The following JRK variants were observed in gnomAD, a reference collection of about 807,000 sequenced individuals.
JRK encodes jerky protein homolog.
For missense variants in JRK, 720 were observed against 509.2 expected (o/e 1.41, Z -3.98); for synonymous variants, 303 against 218.1 (o/e 1.39, Z -3.43).
Position 142,663,003 on chromosome 8 carries a change from A to T in JRK, c.*1349T>A. 1.8e-6 allele frequency: 1 copy of T among 544,646 alleles called. No individual in the cohort carries two copies. The highest frequency in any genetic ancestry group is 1.8e-4 in the East Asian group (1 of 5,548). 33.7% of individuals were successfully genotyped at this position (544,646 alleles called of 1,614,324 possible). On this transcript the variant is annotated 3_prime_UTR_variant, in exon 2 of 2. Coordinates refer to ENST00000612905, the MANE Select transcript of JRK (RefSeq NM_003724.4). ...AGTGAGACCCTGTCTCTACAAAAAA[A>T]ATAAAAAGGCGCGGTGGTGCGTGCC...
intron 1 of JRK, among the ~76,000 whole-genome samples, chr8:142,666,971 G>C (rs1026249408): frequency 2.0e-5 from 3 of 152,182 alleles, no homozygotes; most frequent in African/African-American, 7.2e-5. Context: ...CCTCCCTGAG[G>C]AGCAGAGGCA....
the JRK span, among the ~76,000 whole-genome samples, chr8:142,646,260 T>G: frequency 6.6e-6 from 1 of 152,216 alleles, no homozygotes; most frequent in African/African-American, 2.4e-5. Context: ...CATCTTGCCT[T>G]GAACCTCCAA....
chr8:142,659,804 G>A lies in JRK; in HGVS notation c.*4548C>T, dbSNP rs771534079. On this transcript the variant is annotated 3_prime_UTR_variant, in exon 2 of 2. Transcript: ENST00000612905. Reference sequence around the variant, plus strand: ...AACGTGAGGCTGGTCATTAGGAGCAGGTAGCCCTGGGTCTCCCTCTGCCCT... The same window carrying A: ...AACGTGAGGCTGGTCATTAGGAGCAAGTAGCCCTGGGTCTCCCTCTGCCCT... 39 of 985,504 alleles carry A rather than the reference G, an allele frequency of 4.0e-5. No individual in the cohort carries two copies. The highest frequency in any genetic ancestry group is 4.5e-5 in the Non-Finnish European group (37 of 830,052). 61.0% of individuals were successfully genotyped at this position (985,504 alleles called of 1,614,324 possible). A position where few individuals can be genotyped will look rare whatever the true frequency, so the allele number is the denominator to read the frequency against.
chr8:142,664,633 T>C lies in JRK; in HGVS notation c.1426A>G (p.Arg476Gly), dbSNP rs2976399. The C allele has an allele frequency of 0.66, 1,066,698 of 1,610,504 alleles. 357,253 individuals carry two copies. The highest frequency in any genetic ancestry group is 0.73 in the Admixed American group (43,864 of 59,750). Residue 476 changes from arginine (R) to glycine (G), a missense_variant, in exon 2 of 2, where the codon AGA becomes GGA. By Grantham distance (125) the Arg-to-Gly change is moderately radical (BLOSUM62 -2). Transcript: ENST00000612905. Reference protein sequence around the residue: ...EKTPKADQDGRGDPGEGEEVA... With the variant: ...EKTPKADQDGGGDPGEGEEVA... ...TCCTCGCCCTCACCAGGATCTCCTCTGCCGTCCTGGTCAGCTTTCGGAGTC... is the reference window on the plus strand; with the variant it reads ...TCCTCGCCCTCACCAGGATCTCCTCCGCCGTCCTGGTCAGCTTTCGGAGTC...
At chr8:142,667,620 T>C (rs1218790480) in intron 1 of JRK, among the ~76,000 whole-genome samples, 2 of 152,334 alleles carry the variant, frequency 1.3e-5, no homozygotes, top group African/African-American at 2.4e-5. Context: ...GGAAACCTGA[T>C]AGCCCCCTGG....
chr8:142,666,680 C>T (rs914228242), intron 1 of JRK, among the ~76,000 whole-genome samples, 160 bp from the exon 2 acceptor site: 7 of 152,204 alleles, frequency 4.6e-5, no homozygotes, highest in African/African-American at 1.4e-4. Context: ...AGGGTGGCCC[C>T]GGGAGCAGCC....
the JRK span, among the ~76,000 whole-genome samples, chr8:142,647,911 T>G: frequency 6.6e-6 from 1 of 152,240 alleles, no homozygotes; most frequent in Non-Finnish European, 1.5e-5. Flanking sequence ...AAAATGCTGA[T>G]AGTAATACGG....
intron 1 of JRK, among the ~76,000 whole-genome samples, chr8:142,666,797 G>C (rs1847141475): frequency 1.3e-5 from 2 of 152,214 alleles, no homozygotes; most frequent in South Asian, 4.1e-4. Flanking sequence ...GGCTCTCATA[G>C]GAGCAGCCCG....
Position 142,666,292 on chromosome 8 carries a change from T to C in JRK, c.-234A>G, listed in dbSNP as rs1847126548. On this transcript the variant is annotated 5_prime_UTR_variant, in exon 2 of 2. Transcript: ENST00000612905. The stretch of plus-strand genomic sequence containing the variant: ...CTTCCAGGCTCCACACACCTAGGCC[T>C]TGGCTCCTGGCAGTGCAGTCAGCTG... 1.5e-6 allele frequency: 1 copy of C among 670,686 alleles called. No individual in the cohort carries two copies. The highest frequency in any genetic ancestry group is 1.8e-5 in the African/African-American group (1 of 55,014). The allele number at this position is 670,686 out of a possible 1,614,324, so 41.5% of individuals were successfully genotyped here.
At chr8:142,654,442 G>A (rs1846714599), downstream of JRK, among the ~76,000 whole-genome samples, 1 of 152,050 alleles carries the variant, frequency 6.6e-6, no homozygotes, top group African/African-American at 2.4e-5. Context: ...ATTCTGCTGA[G>A]CAAGGAATGT....
chr8:142,654,862 G>C (rs587747489), downstream of JRK, among the ~76,000 whole-genome samples: 2 of 151,902 alleles, frequency 1.3e-5, no homozygotes, highest in East Asian at 3.9e-4. Context: ...AGAGCAAGCA[G>C]AAGACCTAGG....
rs1433761099 is a variant in JRK, at chr8:142,663,914, G to A, written c.*438C>T. 4.0e-6 allele frequency: 4 copies of A among 995,614 alleles called. No homozygotes were observed. The South Asian group carries it at 1.4e-4, about 35-fold the overall frequency. The allele number at this position is 995,614 out of a possible 1,614,324, so 61.7% of individuals were successfully genotyped here. ...CCCAGCAGATAGAGCCTTCTGAGAC[G>A]AAGCCTGTCCAGGGGCGGTGGGCAT... On this transcript the variant is annotated 3_prime_UTR_variant, in exon 2 of 2. Transcript: ENST00000612905.
downstream of JRK, among the ~76,000 whole-genome samples, chr8:142,656,913 C>A (rs1237090520): frequency 6.6e-6 from 1 of 152,186 alleles, no homozygotes; most frequent in East Asian, 1.9e-4. Flanking sequence ...CCATCCCTCA[C>A]ACCCACAGCT....
chr8:142,665,328 A>G lies in JRK; in HGVS notation c.731T>C (p.Phe244Ser). ...AIGKCSGPRA[F>S]KGIQHLPVAY... Reference sequence around the variant, plus strand: ...GACGGGCAGGTGCTGGATGCCTTTGAAAGCCCTGGGACCGCTGCACTTCCC... The same window carrying G: ...GACGGGCAGGTGCTGGATGCCTTTGGAAGCCCTGGGACCGCTGCACTTCCC... The change falls in exon 2 of 2, where the codon TTC becomes TCC. Residue 244 changes from phenylalanine to serine, a missense_variant. Physicochemically the swap from Phe to Ser is radical, Grantham distance 155. Transcript: ENST00000612905. 1 of 717,648 alleles carries G rather than the reference A, an allele frequency of 1.4e-6. No homozygotes were observed. Among genetic ancestry groups the G allele is most frequent in the South Asian group, 1.5e-5 (1 of 67,602 alleles). The allele number at this position is 717,648 out of a possible 1,614,324, so 44.5% of individuals were successfully genotyped here. A position where few individuals can be genotyped will look rare whatever the true frequency, so the allele number is the denominator to read the frequency against.
Position 142,664,509 on chromosome 8 carries a change from G to T in JRK, c.1550C>A (p.Ala517Glu). 1.2e-6 allele frequency: 2 copies of T among 1,608,634 alleles called. No individual in the cohort carries two copies. The highest frequency in any genetic ancestry group is 1.7e-6 in the Non-Finnish European group (2 of 1,178,302). The change falls in exon 2 of 2, where the codon GCG (alanine) becomes GAG (glutamate). Residue 517 changes from alanine to glutamate, a missense_variant. Physicochemically the swap from Ala to Glu is moderately radical, Grantham distance 107. Transcript: ENST00000612905. ...CTGGCTCCGGAACACGGCACGCAGC[G>T]CCCGCAGCTGCCCCACTTCCTGCGC... ...FSAQEVGQLRALRAVFRSQQQ... is the reference protein window; with the variant it reads ...FSAQEVGQLRELRAVFRSQQQ...
the JRK span, among the ~76,000 whole-genome samples, chr8:142,648,760 A>C: frequency 1.3e-5 from 2 of 152,186 alleles, no homozygotes; most frequent in Non-Finnish European, 2.9e-5. Flanking sequence ...TGGACCTGTG[A>C]GAAGAGGGCC....
In JRK at chr8:142,657,563, C is replaced by T. The variant is rs1846780014; in HGVS notation, c.*6789G>A. On this transcript the variant is annotated 3_prime_UTR_variant, in exon 2 of 2. Coordinates refer to ENST00000612905, the MANE Select transcript of JRK (RefSeq NM_003724.4). Reference sequence around the variant, plus strand: ...TGGTGGGGGCTTCAGGGAGCTTCCACTCATGACGGAAGGCAAAGGGCAGCA... The same window carrying T: ...TGGTGGGGGCTTCAGGGAGCTTCCATTCATGACGGAAGGCAAAGGGCAGCA... The T allele has an allele frequency of 1.3e-5, 2 of 153,000 alleles. No homozygotes were observed. Among genetic ancestry groups the T allele is most frequent in the Admixed American group, 1.3e-4 (2 of 15,296 alleles). 9.5% of individuals were successfully genotyped at this position (153,000 alleles called of 1,614,324 possible). A position where few individuals can be genotyped will look rare whatever the true frequency, so the allele number is the denominator to read the frequency against.
At position 142,665,047 on chromosome 8, in the gene JRK, C is replaced by T; in HGVS notation, c.1012G>A (p.Asp338Asn). 1 of 716,104 alleles carries T rather than the reference C, an allele frequency of 1.4e-6. No homozygotes were observed. The highest frequency in any genetic ancestry group is 2.6e-6 in the Non-Finnish European group (1 of 383,736). The allele number at this position is 716,104 out of a possible 1,614,324, so 44.4% of individuals were successfully genotyped here. ...GGGTTAATGAAGTTCCTCATGAAATCTCTCCGAATGCCCTGCTCCATGGGC... is the reference window on the plus strand; with the variant it reads ...GGGTTAATGAAGTTCCTCATGAAATTTCTCCGAATGCCCTGCTCCATGGGC... ...VQPMEQGIRR[D>N]FMRNFINPPV... The change falls in exon 2 of 2, where the codon GAT becomes AAT. Residue 338 changes from aspartate (D) to asparagine (N), a missense_variant. Coordinates refer to ENST00000612905, the MANE Select transcript of JRK (RefSeq NM_003724.4).
At chr8:142,646,582 A>C in the JRK span, among the ~76,000 whole-genome samples, 1 of 152,250 alleles carries the variant, frequency 6.6e-6, no homozygotes, top group Non-Finnish European at 1.5e-5. Context: ...AATTGCTTTA[A>C]AAATGCAAAC....
Sources: allele counts gnomAD v4.1 joint callset (sites outside exome capture counted in the v4.1 genomes callset), GRCh38; gene constraint gnomAD v4.1.1; transcripts MANE v1.5; gene names NCBI Gene and HGNC (gene_info 2026-07-23, HGNC 2026-07-21).